LRP2: variants seen among roughly 807,000 people sequenced by gnomAD.
The protein encoded by LRP2 is low-density lipoprotein receptor-related protein 2.
Under a neutral mutation model 531.0 loss-of-function variants are expected in LRP2, and 172 were observed. That is an observed-to-expected ratio of 0.32 (90% confidence interval 0.29 to 0.37). LRP2 has a LOEUF of 0.37. Ranked by LOEUF, LRP2 falls within the 10% of genes least tolerant of loss-of-function variation. LRP2 has a pLI of 1.00. For missense variants in LRP2, 5,167 were observed against 5,868.3 expected, an observed-to-expected ratio of 0.88 and a Z score of 3.90; for synonymous variants, 1,992 against 2,027.6, an observed-to-expected ratio of 0.98 and a Z score of 0.47.
chr2:169,243,184 C>A, intron 23 of LRP2, 112 bp from the exon 24 acceptor site: 1 of 979,542 alleles, frequency 1.0e-6, no homozygotes, highest in Non-Finnish European at 1.6e-6. Flanking sequence ...ATATGCAGAA[C>A]ATGCAGGTTT....
Position 169,288,987 on chromosome 2 carries a change from G to A in LRP2, c.1042+39C>T, listed in dbSNP as rs370569022. 2.2e-5 allele frequency: 35 copies of A among 1,612,286 alleles called. No homozygotes were observed. The African/African-American group carries it at 4.1e-4, about 19-fold the overall frequency. On this transcript the variant is annotated intron_variant, in intron 9 of 78. Transcript: ENST00000649046. ...AGATCAGGGCACCCATCAGTGTACT[G>A]TAATGAAAGACAAGTAGCCGCCGCC...
chr2:169,340,067 T>C (rs1235133791), intron 1 of LRP2, among the ~76,000 whole-genome samples: 1 of 152,152 alleles, frequency 6.6e-6, no homozygotes, highest in African/African-American at 2.4e-5. Context: ...CTACAATTTC[T>C]TTCCCATCTC....
intron 1 of LRP2, among the ~76,000 whole-genome samples, chr2:169,358,161 G>T (rs1453957187): frequency 2.0e-5 from 3 of 152,172 alleles, no homozygotes; most frequent in African/African-American, 7.2e-5. Context: ...ATTCCAAAAG[G>T]AATCTAGAAA....
intron 1 of LRP2, among the ~76,000 whole-genome samples, chr2:169,352,123 G>T (rs1437211275): frequency 1.3e-5 from 2 of 152,176 alleles, no homozygotes; most frequent in Admixed American, 1.3e-4. Context: ...GGTGTTCTGA[G>T]ATGAATTCAG....
chr2:169,327,218 T>G (rs1574260797), intron 1 of LRP2, among the ~76,000 whole-genome samples: 3 of 104,440 alleles, frequency 2.9e-5, no homozygotes, highest in Admixed American at 2.0e-4. Flanking sequence ...AGCCGCCCCA[T>G]CCGGGAGGGA....
intron 6 of LRP2, among the ~76,000 whole-genome samples, 184 bp from the exon 7 acceptor site, chr2:169,292,553 A>G (rs35795863): frequency 1.3e-5 from 2 of 152,180 alleles, no homozygotes; most frequent in African/African-American, 4.8e-5. Context: ...GAAGAAGATA[A>G]CAGCAGCTTT....
At chr2:169,149,054 A>G (rs1686028432) in intron 68 of LRP2, among the ~76,000 whole-genome samples, 1 of 152,196 alleles carries the variant, frequency 6.6e-6, no homozygotes, top group Non-Finnish European at 1.5e-5. Flanking sequence ...TCCTCATGAC[A>G]ATTCTCCCTT....
intron 1 of LRP2, among the ~76,000 whole-genome samples, chr2:169,330,100 C>A (rs1685226189): frequency 6.6e-6 from 1 of 152,174 alleles, no homozygotes; most frequent in Non-Finnish European, 1.5e-5. Context: ...CACCACCACC[C>A]TGCTGTCCAT....
At chr2:169,136,051 T>C (rs1425633097) in intron 76 of LRP2, among the ~76,000 whole-genome samples, 2 of 152,236 alleles carry the variant, frequency 1.3e-5, no homozygotes, top group African/African-American at 4.8e-5. Flanking sequence ...TTAGATGTCC[T>C]GGGTCCTCCC....
At position 169,174,119 on chromosome 2, in the gene LRP2, C is replaced by T. The variant is rs780595186; in HGVS notation, c.10814G>A (p.Arg3605His). Residue 3605 changes from arginine to histidine, a missense_variant, in exon 56 of 79, where the codon CGT (arginine) becomes CAT (histidine). Arg to His is a conservative substitution (Grantham distance 29, BLOSUM62 0). Around this residue, in one of 6 missense-constraint regions of LRP2, gnomAD observed 311 missense variants for 309.4 expected, o/e 1.01. Transcript: ENST00000649046. Reference protein sequence around the residue: ...DSNEWQCANKRCIPESWQCDT... With the variant: ...DSNEWQCANKHCIPESWQCDT... ...ACACTGCCAGGATTCTGGGATGCAA[C>T]GTTTGTTGGCGCACTGCCATTCATT... The T allele has an allele frequency of 2.1e-5, 34 of 1,614,168 alleles. 1 individual carries two copies. The South Asian group carries it at 2.4e-4, about 11-fold the overall frequency.
At chr2:169,315,736 A>G (rs1200334850) in intron 3 of LRP2, among the ~76,000 whole-genome samples, 1 of 134,778 alleles carries the variant, frequency 7.4e-6, no homozygotes, top group African/African-American at 2.5e-5. Context: ...TCAGTGTCAG[A>G]GAGAATCTAA....
intron 8 of LRP2, 82 bp from the exon 9 acceptor site, chr2:169,289,227 G>T (rs1227564560): frequency 7.8e-6 from 12 of 1,546,138 alleles, no homozygotes; most frequent in Non-Finnish European, 2.7e-6. Flanking sequence ...TTTTCCATGA[G>T]TAGCAGCTCA....
At chr2:169,298,206 AT>A in intron 4 of LRP2, among the ~76,000 whole-genome samples, 1 of 151,668 alleles carries the variant, frequency 6.6e-6, no homozygotes, top group South Asian at 2.1e-4. Flanking sequence ...CATCATCATC[AT>A]CATCATCATC....
At chr2:169,199,221 C>A (rs1009248740) in intron 44 of LRP2, among the ~76,000 whole-genome samples, 3 of 152,178 alleles carry the variant, frequency 2.0e-5, no homozygotes, top group Admixed American at 6.5e-5. Flanking sequence ...GGCATTTCCA[C>A]ACAATGGAGT....
intron 1 of LRP2, among the ~76,000 whole-genome samples, chr2:169,345,972 A>G (rs1402984684): frequency 1.3e-5 from 2 of 152,208 alleles, no homozygotes; most frequent in Admixed American, 6.5e-5. Context: ...GTGACAAGTC[A>G]CACTTAGACC....
chr2:169,298,208 CATCATCAT>C, intron 4 of LRP2, among the ~76,000 whole-genome samples: 1 of 152,002 alleles, frequency 6.6e-6, no homozygotes, highest in South Asian at 2.1e-4. Context: ...TCATCATCAT[CATCATCAT>C]CATCATCATC....
chr2:169,219,232 T>A (rs1461292265), intron 34 of LRP2, among the ~76,000 whole-genome samples: 12 of 152,190 alleles, frequency 7.9e-5, no homozygotes, highest in Admixed American at 7.9e-4. Context: ...TCATCCTTAT[T>A]TGAAACAGAG....
At chr2:169,357,323 T>G (rs558917398) in intron 1 of LRP2, among the ~76,000 whole-genome samples, 1 of 146,306 alleles carries the variant, frequency 6.8e-6, no homozygotes, top group Non-Finnish European at 1.5e-5. Context: ...TATTTTATTT[T>G]ATTTTATTTT....
At chr2:169,302,875 A>G (rs2105485095) in intron 4 of LRP2, among the ~76,000 whole-genome samples, 1 of 152,298 alleles carries the variant, frequency 6.6e-6, no homozygotes, top group East Asian at 1.9e-4. Flanking sequence ...GATTTAAATA[A>G]TCAAACTATA....
Sources: gnomAD v4.1 joint callset for allele counts (sites outside exome capture counted in the v4.1 genomes callset) on GRCh38, gnomAD v4.1.1 for gene constraint, gnomAD v4.1.1 regional missense constraint, MANE v1.5 for transcripts, NCBI Gene and HGNC (gene_info 2026-07-23, HGNC 2026-07-21) for gene names.